NOTCH2NLA: variants seen among roughly 807,000 people sequenced by gnomAD.
NOTCH2NLA encodes notch homolog 2 N-terminal-like protein A.
intron 3 of NOTCH2NLA, among the ~76,000 whole-genome samples, chr1:146,158,664 T>C (rs1280800768): frequency 6.6e-6 from 1 of 152,114 alleles, no homozygotes; most frequent in Non-Finnish European, 1.5e-5. Flanking sequence ...GATTTATAAT[T>C]CTTTGGGTAT....
Position 146,174,399 on chromosome 1 carries a change from GCTT to G in NOTCH2NLA, c.39-9392_39-9390del, listed in dbSNP as rs1173378215. Among the ~76,000 whole-genome samples the G allele has an allele frequency of 1.8e-4, 8 of 45,352 alleles. No individual in the cohort carries two copies. In the South Asian group the frequency reaches 3.1e-3, roughly 18 times the overall value. The allele number at this position is 45,352 out of a possible 152,430, so 29.8% of individuals were successfully genotyped here. A position where few individuals can be genotyped will look rare whatever the true frequency, so the allele number is the denominator to read the frequency against. ...GGGCTTTGCTGCAGCTCTGTCTTTA[GCTT>G]TTTTTTTTTTTTTTTTTTTTTTAAA... On this transcript the variant is annotated intron_variant, in intron 2 of 4. Transcript: ENST00000362074.
intron 2 of NOTCH2NLA, among the ~76,000 whole-genome samples, chr1:146,187,379 T>A (rs1553810474): frequency 7.4e-6 from 1 of 134,982 alleles, no homozygotes. Flanking sequence ...TTTATAATCC[T>A]TTGGGTATAT....
chr1:146,160,247 ACATCATCAATACCAT>A (rs1214011140), intron 3 of NOTCH2NLA, among the ~76,000 whole-genome samples: 1 of 4,542 alleles, frequency 2.2e-4, no homozygotes. Flanking sequence ...TCAGTGACTT[ACATCATCAATACCAT>A]CATCATCATG....
intron 2 of NOTCH2NLA, among the ~76,000 whole-genome samples, chr1:146,171,087 AT>A (rs1473147470): frequency 7.8e-6 from 1 of 128,182 alleles, no homozygotes; most frequent in Non-Finnish European, 1.8e-5. Context: ...CCAGTGCTAT[AT>A]TATAATCTCC....
At chr1:146,154,006 T>TATAC (rs1331429274), downstream of NOTCH2NLA, 13 of 91,424 alleles carry the variant, frequency 1.4e-4, no homozygotes, top group African/African-American at 3.6e-4. Flanking sequence ...CACAACGCCA[T>TATAC]ACACACACAC....
chr1:146,182,274 T>G, intron 2 of NOTCH2NLA, among the ~76,000 whole-genome samples: 1 of 137,718 alleles, frequency 7.3e-6, no homozygotes, highest in Admixed American at 7.6e-5. Context: ...TGTCCCATTT[T>G]ATTGACAGGC....
chr1:146,150,145 G>A (rs1422118366), intron 4 of NOTCH2NLA, among the ~76,000 whole-genome samples: 2 of 149,822 alleles, frequency 1.3e-5, no homozygotes, highest in Non-Finnish European at 3.0e-5. Flanking sequence ...CCATTTGTAT[G>A]AAATGTCCAG....
chr1:146,228,819 G>T (rs782124444), exon 1 of NOTCH2NLA: 3 of 1,530,678 alleles, frequency 2.0e-6, no homozygotes, highest in South Asian at 2.4e-5. Context: ...CGCCGCGGCC[G>T]CCTGGGCAGA....
Position 146,228,762 on chromosome 1 carries a change from G to C in NOTCH2NLA, c.-98C>G, listed in dbSNP as rs1445536010. ...GAGCGCCAGCAGCGCCCACAGCAGAGCGGGGCGCAGGGCGGGTATCTTCTC... is the reference window on the plus strand; with the variant it reads ...GAGCGCCAGCAGCGCCCACAGCAGACCGGGGCGCAGGGCGGGTATCTTCTC... On this transcript the variant is annotated 5_prime_UTR_variant, in exon 1 of 5. Coordinates refer to ENST00000362074, the Ensembl canonical transcript of NOTCH2NLA. 2.5e-6 allele frequency: 4 copies of C among 1,573,258 alleles called. No individual in the cohort carries two copies. In the South Asian group the frequency reaches 3.4e-5, roughly 13 times the overall value.
At chr1:146,200,279 T>C (rs782039640) in intron 1 of NOTCH2NLA, among the ~76,000 whole-genome samples, 7 of 59,404 alleles carry the variant, frequency 1.2e-4, no homozygotes, top group South Asian at 5.4e-4. Context: ...AAAAATTAGC[T>C]GGGCATGGTG....
chr1:146,162,431 G>T (rs1553804697), intron 3 of NOTCH2NLA, among the ~76,000 whole-genome samples: 2 of 144,770 alleles, frequency 1.4e-5, no homozygotes, highest in African/African-American at 5.2e-5. Context: ...TGAATTGAAG[G>T]ATACAAAATA....
Position 146,159,393 on chromosome 1 carries a change from GAGAAAGAAAGAAAGAA to G in NOTCH2NLA, c.299-2594_299-2579del, listed in dbSNP as rs201617510. 5.1e-3 allele frequency among the ~76,000 whole-genome samples: 568 copies of G among 111,118 alleles called. 2 individuals carry two copies. The highest frequency in any genetic ancestry group is 0.013 in the Middle Eastern group (3 of 226). 72.9% of individuals were successfully genotyped at this position (111,118 alleles called of 152,430 possible). On this transcript the variant is annotated intron_variant, in intron 3 of 4. Transcript: ENST00000362074. ...AAAGAGAGAGGAAGAGAGAAAGAGA[GAGAAAGAAAGAAAGAA>G]AGAAAGAAAGAAAGAAAGAAAGAAA...
Position 146,186,789 on chromosome 1 carries a change from A to C in NOTCH2NLA, c.38+2511T>G, listed in dbSNP as rs587668846. Among the ~76,000 whole-genome samples the C allele has an allele frequency of 2.2e-3, 293 of 132,992 alleles. 10 individuals carry two copies. Among genetic ancestry groups the C allele is most frequent in the African/African-American group, 7.0e-3 (279 of 39,664 alleles). The allele number at this position is 132,992 out of a possible 152,430, so 87.2% of individuals were successfully genotyped here. The stretch of plus-strand genomic sequence containing the variant: ...TCTCCATATATAAGTCACCAAGTTG[A>C]ATGATCTTCAAATAGAACCAATTTG... On this transcript the variant is annotated intron_variant, in intron 2 of 4. Coordinates refer to ENST00000362074, the Ensembl canonical transcript of NOTCH2NLA.
At chr1:146,162,372 T>G (rs1553804682) in intron 3 of NOTCH2NLA, among the ~76,000 whole-genome samples, 1 of 150,460 alleles carries the variant, frequency 6.6e-6, no homozygotes, top group Non-Finnish European at 1.5e-5. Context: ...GGGTTCAAGT[T>G]GACAAGGGGT....
chr1:146,198,639 G>A (rs1487214330), intron 1 of NOTCH2NLA, among the ~76,000 whole-genome samples: 1 of 15,374 alleles, frequency 6.5e-5, no homozygotes, highest in African/African-American at 2.5e-4. Context: ...GCTGCTTAGT[G>A]GTCAAAGAAA....
At chr1:146,174,140 G>A (rs1258412154) in intron 2 of NOTCH2NLA, among the ~76,000 whole-genome samples, 2 of 143,406 alleles carry the variant, frequency 1.4e-5, no homozygotes, top group South Asian at 2.1e-4. Flanking sequence ...CTGCAGTTCA[G>A]GATCAGTCTC....
rs587612577 is a variant in NOTCH2NLA, at chr1:146,172,837, T to C, written c.39-7827A>G. On this transcript the variant is annotated intron_variant, in intron 2 of 4. Coordinates refer to ENST00000362074, the Ensembl canonical transcript of NOTCH2NLA. ...GTGGGGAAGACCCTGTCTTGAACCC[T>C]TGGTGTAGGTTCCCTGAATACCTGA... Among the ~76,000 whole-genome samples the C allele has an allele frequency of 4.8e-5, 7 of 145,296 alleles. 1 individual carries two copies. Among genetic ancestry groups the C allele is most frequent in the African/African-American group, 1.7e-4 (7 of 41,286 alleles).
At chr1:146,172,770 T>A (rs1662053283) in intron 2 of NOTCH2NLA, among the ~76,000 whole-genome samples, 1 of 150,764 alleles carries the variant, frequency 6.6e-6, no homozygotes, top group Non-Finnish European at 1.5e-5. Context: ...CACTGTTATG[T>A]CTTTGCTGTA....
Sources: gnomAD v4.1 joint callset for allele counts (sites outside exome capture counted in the v4.1 genomes callset) on GRCh38, gnomAD v4.1.1 for gene constraint, MANE v1.5 for transcripts, NCBI Gene and HGNC (gene_info 2026-07-23, HGNC 2026-07-21) for gene names.